Variants in CACNA2D2 observed in about 807,000 individuals in gnomAD.
The protein encoded by CACNA2D2 is calcium voltage-gated channel auxiliary subunit alpha2delta 2.
CACNA2D2 carries 48 observed loss-of-function variants against 166.4 expected under a neutral mutation model. That is an observed-to-expected ratio of 0.29 (90% CI 0.23 to 0.37). CACNA2D2 has a LOEUF of 0.37. Ranked by LOEUF, CACNA2D2 falls within the 10% of genes least tolerant of loss-of-function variation. CACNA2D2 has a pLI of 1.00. For missense variants in CACNA2D2, 1,122 were observed against 1,433.0 expected (o/e 0.78, Z 3.50); for synonymous variants, 561 against 573.7 (o/e 0.98, Z 0.32).
At chr3:50,492,884 C>G (rs757975101) in intron 1 of CACNA2D2, among the ~76,000 whole-genome samples, 1 of 152,058 alleles carries the variant, frequency 6.6e-6, no homozygotes, top group Non-Finnish European at 1.5e-5. Context: ...TGCTTGGACC[C>G]GAGCACTAGG....
In CACNA2D2 at chr3:50,375,511, G is replaced by C. The variant is rs587672755; in HGVS notation, c.1907+133C>G. On this transcript the variant is annotated intron_variant, in intron 21 of 37. Coordinates refer to ENST00000424201, the MANE Select transcript of CACNA2D2 (RefSeq NM_006030.4). The surrounding 1 kb of genome is among the most constrained non-coding windows in gnomAD (Gnocchi z 4.0). ...CTCTTGGCAGACTAAGCATCTCAGG[G>C]TGAGTAGTGAGCAGCCCTGGCCACT... 1 of 861,852 alleles carries C rather than the reference G, an allele frequency of 1.2e-6. No homozygotes were observed. The highest frequency in any genetic ancestry group is 1.7e-5 in the African/African-American group (1 of 59,804). 53.4% of individuals were successfully genotyped at this position (861,852 alleles called of 1,614,324 possible).
intron 15 of CACNA2D2, 94 bp downstream of exon 15, chr3:50,377,914 A>AC: frequency 2.0e-6 from 3 of 1,497,168 alleles, no homozygotes; most frequent in Non-Finnish European, 2.8e-6. Flanking sequence ...TGCTTGGTTT[A>AC]CCCCATAAGG....
At position 50,436,430 on chromosome 3, in the gene CACNA2D2, C is replaced by T. The variant is rs142641821; in HGVS notation, c.289-2001G>A. On this transcript the variant is annotated intron_variant, in intron 2 of 37. Coordinates refer to ENST00000424201, the MANE Select transcript of CACNA2D2 (RefSeq NM_006030.4). ...GTCCAGGAGTCCCTCCTCTTGGGCT[C>T]CAGGGTGCCCCTTGCAGCCTGGCAT... 5.4e-3 allele frequency among the ~76,000 whole-genome samples: 817 copies of T among 152,258 alleles called. 4 individuals are homozygous for T. The highest frequency in any genetic ancestry group is 0.027 in the Middle Eastern group (8 of 294).
chr3:50,425,083 T>TGCTTCCACAGGGCCAA (rs1199429298), intron 3 of CACNA2D2, among the ~76,000 whole-genome samples: 2 of 152,130 alleles, frequency 1.3e-5, no homozygotes, highest in Non-Finnish European at 2.9e-5. Flanking sequence ...CCCAGGGCCA[T>TGCTTCCACAGGGCCAA]GCTTCCACAG....
At chr3:50,443,590 C>G (rs1312252735) in intron 2 of CACNA2D2, among the ~76,000 whole-genome samples, 2 of 152,196 alleles carry the variant, frequency 1.3e-5, no homozygotes, top group Admixed American at 1.3e-4. Context: ...TCAGTCCGTT[C>G]ACCACCTTGT....
intron 2 of CACNA2D2, among the ~76,000 whole-genome samples, chr3:50,451,390 T>C (rs573736777): frequency 2.6e-5 from 4 of 152,084 alleles, no homozygotes; most frequent in Admixed American, 6.5e-5. Context: ...CCTCCCAAAG[T>C]GCTGGGATTA....
intron 3 of CACNA2D2, among the ~76,000 whole-genome samples, chr3:50,413,082 G>A (rs1707098634): frequency 6.6e-6 from 1 of 152,224 alleles, no homozygotes; most frequent in African/African-American, 2.4e-5. Context: ...AGGGCCCCAG[G>A]GGATCAGTGT....
At chr3:50,377,874 G>C in intron 15 of CACNA2D2, 71 bp from the exon 16 acceptor site, 1 of 1,507,646 alleles carries the variant, frequency 6.6e-7, no homozygotes, top group Non-Finnish European at 9.1e-7. Context: ...TCAGAGCAGG[G>C]ACTGAGGTGC....
intron 4 of CACNA2D2, among the ~76,000 whole-genome samples, chr3:50,392,394 G>A (rs1328427799): frequency 6.6e-6 from 1 of 152,186 alleles, no homozygotes; most frequent in Non-Finnish European, 1.5e-5. Context: ...GGGAAGGAGG[G>A]AGGTGACTAC....
intron 3 of CACNA2D2, among the ~76,000 whole-genome samples, chr3:50,431,980 CAAAAA>C (rs57712165): frequency 4.7e-4 from 43 of 92,222 alleles, no homozygotes; most frequent in African/African-American, 1.0e-3. Flanking sequence ...GTGTCTGTCT[CAAAAA>C]AAAAAAAAAA....
At chr3:50,411,837 C>T (rs564603784) in intron 3 of CACNA2D2, among the ~76,000 whole-genome samples, 31 of 152,288 alleles carry the variant, frequency 2.0e-4, no homozygotes, top group African/African-American at 6.7e-4. Context: ...TGGGAAAGAA[C>T]GAATGGGGCT....
At chr3:50,424,052 C>T (rs570003310) in intron 3 of CACNA2D2, among the ~76,000 whole-genome samples, 5 of 152,348 alleles carry the variant, frequency 3.3e-5, no homozygotes, top group South Asian at 4.1e-4. Context: ...CAGATCTGTG[C>T]GGCCATACCT....
rs1017740983 is a variant in CACNA2D2 at position 50,373,619 on chromosome 3, G to A, written c.1984+1118C>T. Among the ~76,000 whole-genome samples, 8 of 90,874 alleles carry A rather than the reference G, an allele frequency of 8.8e-5. No homozygotes were observed. The South Asian group carries it at 1.5e-3, about 18-fold the overall frequency. 59.6% of individuals were successfully genotyped at this position (90,874 alleles called of 152,430 possible). ...GGGAGTGTGGGGAGTGGGACTGAAG[G>A]GGGGGGGGTGCTGGGGTGGGGAGAG... is the stretch of plus-strand genomic sequence containing the variant. On this transcript the variant is annotated intron_variant, in intron 22 of 37. Transcript: ENST00000424201.
At chr3:50,378,367 C>A (rs1356246666) in intron 13 of CACNA2D2, 34 bp from the exon 14 acceptor site, 2 of 1,549,096 alleles carry the variant, frequency 1.3e-6, no homozygotes, top group Non-Finnish European at 1.7e-6. Context: ...GTGGGCCTGG[C>A]TGGCACTGCA....
In CACNA2D2 at chr3:50,365,914, CA is replaced by C; in HGVS notation, c.2863-53del. 6.2e-7 allele frequency: 1 copy of C among 1,612,338 alleles called. No homozygotes were observed. The highest frequency in any genetic ancestry group is 8.5e-7 in the Non-Finnish European group (1 of 1,179,606). On this transcript the variant is annotated intron_variant, in intron 32 of 37. Coordinates refer to ENST00000424201, the MANE Select transcript of CACNA2D2 (RefSeq NM_006030.4). The surrounding 1 kb of genome is among the most constrained non-coding windows in gnomAD (Gnocchi z 4.5). ...GCCACTGCTGCCCCTCGCCCTAGGT[CA>C]CCCCCAGCTTTATCAAATGTCAGAG...
At chr3:50,477,031 G>A (rs1575751589) in intron 1 of CACNA2D2, among the ~76,000 whole-genome samples, 1 of 150,966 alleles carries the variant, frequency 6.6e-6, no homozygotes, top group Admixed American at 6.6e-5. Flanking sequence ...CAGGGTTCAT[G>A]CCATTCTCCC....
intron 3 of CACNA2D2, among the ~76,000 whole-genome samples, chr3:50,420,840 A>G (rs1455251653): frequency 1.3e-5 from 2 of 152,138 alleles, no homozygotes; most frequent in African/African-American, 4.8e-5. Flanking sequence ...CCTTGCCCCC[A>G]GCCTGCCTGT....
intron 2 of CACNA2D2, among the ~76,000 whole-genome samples, chr3:50,452,239 T>C (rs1487001964): frequency 6.6e-6 from 1 of 152,220 alleles, no homozygotes; most frequent in Non-Finnish European, 1.5e-5. Context: ...GGCTTGAGAA[T>C]GCCTCACAGC....
chr3:50,461,969 C>A (rs1263403669), intron 2 of CACNA2D2, among the ~76,000 whole-genome samples: 1 of 152,144 alleles, frequency 6.6e-6, no homozygotes, highest in East Asian at 1.9e-4. Flanking sequence ...AGGCTCTGGG[C>A]AGGACTTTCT....
Sources: allele counts gnomAD v4.1 joint callset (sites outside exome capture counted in the v4.1 genomes callset), GRCh38; gene constraint gnomAD v4.1.1; non-coding constraint Gnocchi (gnomAD v3.1); transcripts MANE v1.5; gene names NCBI Gene and HGNC (gene_info 2026-07-23, HGNC 2026-07-21).